The following CFAP99 variants were observed in gnomAD, a reference collection of about 807,000 sequenced individuals.
CFAP99 encodes cilia- and flagella-associated protein 99.
A neutral mutation model predicts 82.7 loss-of-function variants in CFAP99; 84 were observed. The ratio of observed to expected loss-of-function variants is 1.02; its 90% CI spans 0.85 to 1.22. CFAP99 has a LOEUF of 1.22. Ranked by LOEUF, CFAP99 falls within the 50% of genes most tolerant of loss-of-function variation. The pLI is 0.00. For missense variants in CFAP99, 1,059 were observed against 983.5 expected (o/e 1.08, Z -1.03); for synonymous variants, 456 against 429.5 (o/e 1.06, Z -0.76).
chr4:2,459,763 C>G (rs558499980), intron 13 of CFAP99, among the ~76,000 whole-genome samples: 2 of 152,188 alleles, frequency 1.3e-5, no homozygotes, highest in East Asian at 3.9e-4. Flanking sequence ...TGCCCCAGGC[C>G]CCGAAGCCTG....
At chr4:2,440,240 G>C (rs1322184066) in intron 4 of CFAP99, among the ~76,000 whole-genome samples, 1 of 138,212 alleles carries the variant, frequency 7.2e-6, no homozygotes, top group South Asian at 2.4e-4. Flanking sequence ...TCCGCCTCCC[G>C]GGTTCACGCC....
At chr4:2,454,012 T>C (rs1734366493) in intron 11 of CFAP99, among the ~76,000 whole-genome samples, 1 of 151,836 alleles carries the variant, frequency 6.6e-6, no homozygotes. Flanking sequence ...TTTTTTTTTC[T>C]TTTTGAGACA....
chr4:2,457,826 G>A (rs1734472347), intron 11 of CFAP99, among the ~76,000 whole-genome samples: 1 of 152,128 alleles, frequency 6.6e-6, no homozygotes, highest in South Asian at 2.1e-4. Context: ...TCTTTCCTGA[G>A]CCCTTGCTAG....
At chr4:2,443,242 G>C in exon 5 of CFAP99, 1 of 1,529,560 alleles carries the variant, frequency 6.5e-7, no homozygotes, top group South Asian at 1.2e-5. Flanking sequence ...CCCCTGATGA[G>C]GTAGGCTGGA....
intron 2 of CFAP99, among the ~76,000 whole-genome samples, chr4:2,431,308 G>T (rs1447627224): frequency 6.6e-6 from 1 of 151,360 alleles, no homozygotes. Flanking sequence ...GGCGGAGGTT[G>T]CAGTGAGTCG....
At chr4:2,443,983 G>A (rs1734107009) in intron 5 of CFAP99, among the ~76,000 whole-genome samples, 1 of 152,148 alleles carries the variant, frequency 6.6e-6, no homozygotes, top group Non-Finnish European at 1.5e-5. Flanking sequence ...AGGACAGACA[G>A]ACAGGCTGTT....
At chr4:2,433,022 CA>C (rs1733829943) in intron 2 of CFAP99, among the ~76,000 whole-genome samples, 1 of 152,000 alleles carries the variant, frequency 6.6e-6, no homozygotes, top group Non-Finnish European at 1.5e-5. Flanking sequence ...GGCTGGACAC[CA>C]CGTGTCCTGG....
intron 2 of CFAP99, among the ~76,000 whole-genome samples, chr4:2,433,971 C>A (rs943706868): frequency 6.6e-6 from 1 of 152,198 alleles, no homozygotes; most frequent in Non-Finnish European, 1.5e-5. Context: ...TGAGAAGCCT[C>A]GCCCTGACTG....
Position 2,462,871 on chromosome 4 carries a change from C to T in CFAP99, c.2090C>T (p.Ala697Val), listed in dbSNP as rs1296411345. 2.2e-6 allele frequency: 3 copies of T among 1,389,454 alleles called. No individual in the cohort carries two copies. The highest frequency in any genetic ancestry group is 1.9e-6 in the Non-Finnish European group (2 of 1,071,478). The allele number at this position is 1,389,454 out of a possible 1,614,324, so 86.1% of individuals were successfully genotyped here. ...CGGAGCCGCGAGCGCAGGCTGCAGGCGCTGCAGCAGGGAGGCTCAGGACCC... is the reference window on the plus strand; with the variant it reads ...CGGAGCCGCGAGCGCAGGCTGCAGGTGCTGCAGCAGGGAGGCTCAGGACCC... Residue 697 changes from alanine to valine, a missense_variant, in exon 15 of 15, where the codon GCG (alanine) becomes GTG (valine). By Grantham distance (64) the Ala-to-Val change is moderately conservative. Transcript: ENST00000635017. The surrounding 1 kb of genome is among the most constrained non-coding windows in gnomAD (Gnocchi z 4.1).
intron 6 of CFAP99, among the ~76,000 whole-genome samples, chr4:2,445,686 C>A (rs942347082): frequency 6.6e-6 from 1 of 151,706 alleles, no homozygotes; most frequent in Non-Finnish European, 1.5e-5. Context: ...ACTCTTTGGG[C>A]AGGCCTAGAG....
At chr4:2,437,135 T>C (rs1316725762) in intron 3 of CFAP99, 117 bp downstream of exon 3, 8 of 1,265,634 alleles carry the variant, frequency 6.3e-6, no homozygotes, top group African/African-American at 4.5e-5. Context: ...CTTCCTGCCC[T>C]TGCACTGGAG....
intron 1 of CFAP99, among the ~76,000 whole-genome samples, chr4:2,420,697 T>C (rs1733566572): frequency 6.6e-6 from 1 of 152,160 alleles, no homozygotes; most frequent in Non-Finnish European, 1.5e-5. Flanking sequence ...ACAAGAATAT[T>C]ACTCATATTT....
chr4:2,443,150 C>G, exon 5 of CFAP99: 1 of 1,535,114 alleles, frequency 6.5e-7, no homozygotes, highest in Non-Finnish European at 8.7e-7. Context: ...TCTTCTTCAA[C>G]CCCCTGCACC....
intron 1 of CFAP99, among the ~76,000 whole-genome samples, chr4:2,421,867 C>T (rs937006022): frequency 5.4e-5 from 8 of 148,122 alleles, no homozygotes; most frequent in African/African-American, 1.5e-4. Context: ...CATAGTAAGA[C>T]CCCTGTCTCT....
At chr4:2,458,784 A>G (rs1479726681) in exon 12 of CFAP99, 1 of 1,535,902 alleles carries the variant, frequency 6.5e-7, no homozygotes, top group Non-Finnish European at 8.7e-7. Flanking sequence ...TCCAGGAAGG[A>G]GCTGGTGGAG....
chr4:2,440,597 AT>A (rs889365831), intron 4 of CFAP99, among the ~76,000 whole-genome samples: 1 of 150,168 alleles, frequency 6.7e-6, no homozygotes, highest in Non-Finnish European at 1.5e-5. Flanking sequence ...ACAAAAAAAT[AT>A]TTTTTTTCTT....
intron 11 of CFAP99, among the ~76,000 whole-genome samples, chr4:2,457,768 C>T (rs28489141): frequency 0.011 from 1,712 of 152,254 alleles, 30 homozygotes; most frequent in African/African-American, 0.039. Context: ...TCCTCTGTGC[C>T]GACTCCCTAT....
At chr4:2,455,311 C>T (rs1238690572) in intron 11 of CFAP99, among the ~76,000 whole-genome samples, 1 of 152,158 alleles carries the variant, frequency 6.6e-6, no homozygotes, top group Non-Finnish European at 1.5e-5. Context: ...TGGGTGTTTG[C>T]CATGCAAATA....
chr4:2,430,950 G>T (rs1733787371), intron 2 of CFAP99, among the ~76,000 whole-genome samples: 1 of 152,086 alleles, frequency 6.6e-6, no homozygotes. Context: ...GCACGTGCTT[G>T]TAGTCCCAGC....
Sources: gnomAD v4.1 joint callset for allele counts (sites outside exome capture counted in the v4.1 genomes callset) on GRCh38, gnomAD v4.1.1 for gene constraint, Gnocchi (gnomAD v3.1) non-coding constraint, MANE v1.5 for transcripts, NCBI Gene and HGNC (gene_info 2026-07-23, HGNC 2026-07-21) for gene names.